The following TRPM3 variants were observed in gnomAD, a reference collection of about 807,000 sequenced individuals.
The protein encoded by TRPM3 is long transient receptor potential channel 3.
Under a neutral mutation model 181.2 loss-of-function variants are expected in TRPM3, and 77 were observed. The observed-to-expected ratio is 0.42, with a 90% CI of 0.35 to 0.51. The LOEUF (loss-of-function observed/expected upper bound fraction) is 0.51. Among genes scored for constraint, TRPM3 ranks in the 20% least tolerant of loss-of-function variants. The pLI is 0.01. For missense variants in TRPM3, 1,759 were observed against 2,196.7 expected, an observed-to-expected ratio of 0.80 and a Z score of 3.98; for synonymous variants, 745 against 796.4, an observed-to-expected ratio of 0.94 and a Z score of 1.09.
intron 6 of TRPM3, chr9:70,824,709 A>AGC (rs1193066614): frequency 1.3e-5 from 2 of 152,262 alleles, no homozygotes; most frequent in Admixed American, 1.3e-4. Flanking sequence ...TACAGGTGTG[A>AGC]GCCACTGTGC....
chr9:70,629,315 C>A lies in TRPM3; in HGVS notation c.1633-3798G>T, dbSNP rs1321012362. Among the ~76,000 whole-genome samples the A allele has an allele frequency of 5.4e-5, 8 of 148,248 alleles. 1 individual carries two copies. The highest frequency in any genetic ancestry group is 1.7e-4 in the African/African-American group (7 of 40,622). On this transcript the variant is annotated intron_variant, in intron 12 of 25. Coordinates refer to ENST00000677713, the MANE Select transcript of TRPM3 (RefSeq NM_001366145.2). Reference sequence around the variant, plus strand: ...CTCCCTTCCCAGCAGCATTTTCCTGCCTCTTCCGTTTTTTGTTTTGTTTTG... The same window carrying A: ...CTCCCTTCCCAGCAGCATTTTCCTGACTCTTCCGTTTTTTGTTTTGTTTTG...
intron 1 of TRPM3, among the ~76,000 whole-genome samples, chr9:71,019,029 G>A (rs977085969): frequency 6.6e-6 from 1 of 151,906 alleles, no homozygotes; most frequent in African/African-American, 2.4e-5. Context: ...ATAAAAAGAT[G>A]AGGATGATAA....
intron 9 of TRPM3, among the ~76,000 whole-genome samples, chr9:70,646,665 T>C (rs933959779): frequency 2.0e-5 from 3 of 152,070 alleles, no homozygotes; most frequent in African/African-American, 4.8e-5. Flanking sequence ...CATGTATCCC[T>C]ATGTAACAAA....
intron 1 of TRPM3, among the ~76,000 whole-genome samples, chr9:71,142,824 G>A (rs1207750615): frequency 1.4e-5 from 2 of 142,868 alleles, no homozygotes; most frequent in Non-Finnish European, 3.1e-5. Flanking sequence ...AGAAGTTTTG[G>A]TCAGGCATGG....
At chr9:71,393,848 TCA>T in intron 1 of TRPM3, among the ~76,000 whole-genome samples, 1 of 152,278 alleles carries the variant, frequency 6.6e-6, no homozygotes, top group South Asian at 2.1e-4. Flanking sequence ...CATCTCAACG[TCA>T]CAGTTAAATT....
In TRPM3 at chr9:70,603,337, G is replaced by T; in HGVS notation, c.2796+5C>A. On this transcript the variant is annotated splice_donor_5th_base_variant and intron_variant, in intron 20 of 25. Transcript: ENST00000677713. Reference sequence around the variant, plus strand: ...TCTTACGTTTTCTTTTATAAAAGCCGTTACCTCTCTCATCTTTTCTATTCC... The same window carrying T: ...TCTTACGTTTTCTTTTATAAAAGCCTTTACCTCTCTCATCTTTTCTATTCC... 6.2e-7 allele frequency: 1 copy of T among 1,610,804 alleles called. No homozygotes were observed. Among genetic ancestry groups the T allele is most frequent in the Non-Finnish European group, 8.5e-7 (1 of 1,178,492 alleles).
chr9:71,204,300 T>C (rs1402138113), intron 1 of TRPM3, among the ~76,000 whole-genome samples: 4 of 151,090 alleles, frequency 2.6e-5, no homozygotes, highest in Non-Finnish European at 5.9e-5. Context: ...AGAAAATTTT[T>C]GCAACCTACT....
intron 1 of TRPM3, among the ~76,000 whole-genome samples, chr9:71,243,789 G>GATGC (rs1343257892): frequency 6.6e-6 from 1 of 152,174 alleles, no homozygotes; most frequent in Non-Finnish European, 1.5e-5. Flanking sequence ...GGCTAGGGAA[G>GATGC]ATGCACACAT....
At chr9:71,049,367 A>G (rs2059810935) in intron 1 of TRPM3, among the ~76,000 whole-genome samples, 2 of 152,182 alleles carry the variant, frequency 1.3e-5, no homozygotes, top group South Asian at 4.2e-4. Context: ...AATATATGGT[A>G]TGCATATATA....
chr9:71,279,042 A>AAAAAAAG lies in TRPM3; in HGVS notation c.183+167610_183+167611insCTTTTTT, dbSNP rs1565414144. On this transcript the variant is annotated intron_variant, in intron 1 of 24. Transcript: ENST00000357533. The stretch of plus-strand genomic sequence containing the variant: ...AACTTATCCTGCTTAGGTTAAAAAA[A>AAAAAAAG]ATAAAAATAAAAATAAAAATAAAAA... Among the ~76,000 whole-genome samples the AAAAAAAG allele has an allele frequency of 1.6e-5, 2 of 125,498 alleles. 1 individual carries two copies. Among genetic ancestry groups the AAAAAAAG allele is most frequent in the Non-Finnish European group, 3.2e-5 (2 of 62,596 alleles). 82.3% of individuals were successfully genotyped at this position (125,498 alleles called of 152,430 possible).
chr9:70,839,656 T>C (rs1284571764), intron 5 of TRPM3, among the ~76,000 whole-genome samples: 1 of 152,194 alleles, frequency 6.6e-6, no homozygotes, highest in East Asian at 1.9e-4. Context: ...CTTTCTTTTA[T>C]CCTTGGATTT....
chr9:71,169,585 C>G (rs1248251843), intron 1 of TRPM3, among the ~76,000 whole-genome samples: 1 of 152,086 alleles, frequency 6.6e-6, no homozygotes, highest in Non-Finnish European at 1.5e-5. Flanking sequence ...TGATTCTTTA[C>G]TGATGTTATT....
At chr9:71,095,287 T>A (rs922344950) in intron 1 of TRPM3, among the ~76,000 whole-genome samples, 1 of 152,174 alleles carries the variant, frequency 6.6e-6, no homozygotes, top group South Asian at 2.1e-4. Flanking sequence ...ACTGACTCCG[T>A]CGTCATGTAT....
chr9:71,023,701 TA>T (rs201859225), intron 1 of TRPM3, among the ~76,000 whole-genome samples: 2,638 of 125,700 alleles, frequency 0.021, 37 homozygotes, highest in East Asian at 0.097. Context: ...TGATGCTGAG[TA>T]AAAAAAAAAA....
chr9:70,827,881 C>T lies in TRPM3; in HGVS notation c.939G>A (p.Leu313=), dbSNP rs2093649842. ...YGAEVKLRRQ[L]EKHISLQKIN... is the part of the protein sequence containing the mutation. Reference sequence around the variant, plus strand: ...TCTTCTGGAGTGAAATATGCTTTTCCAGTTGTCTTCGAAGTTTCACCTCTG... The same window carrying T: ...TCTTCTGGAGTGAAATATGCTTTTCTAGTTGTCTTCGAAGTTTCACCTCTG... The change falls in exon 6 of 26, where the codon CTG becomes CTA. Residue 313 remains leucine (L), a synonymous_variant. Coordinates refer to ENST00000677713, the MANE Select transcript of TRPM3 (RefSeq NM_001366145.2). 1 of 1,613,974 alleles carries T rather than the reference C, an allele frequency of 6.2e-7. No individual in the cohort carries two copies. Among genetic ancestry groups the T allele is most frequent in the Admixed American group, 1.7e-5 (1 of 59,996 alleles).
chr9:70,835,227 CT>C (rs1463231965), intron 5 of TRPM3, among the ~76,000 whole-genome samples: 2 of 152,066 alleles, frequency 1.3e-5, no homozygotes, highest in Non-Finnish European at 2.9e-5. Context: ...AAATAAACCT[CT>C]TTTCTTTATA....
At chr9:70,959,428 G>T (rs577200740) in intron 1 of TRPM3, among the ~76,000 whole-genome samples, 2 of 149,942 alleles carry the variant, frequency 1.3e-5, no homozygotes, top group South Asian at 2.1e-4. Context: ...TTGAATGAAA[G>T]AAATGGAAAG....
At chr9:70,691,812 C>T (rs1019415549) in intron 8 of TRPM3, among the ~76,000 whole-genome samples, 1 of 152,180 alleles carries the variant, frequency 6.6e-6, no homozygotes, top group Admixed American at 6.5e-5. Context: ...TCAAGTCCTA[C>T]TCAAAGACAC....
intron 1 of TRPM3, among the ~76,000 whole-genome samples, chr9:71,030,455 C>A (rs536459383): frequency 6.6e-6 from 1 of 151,788 alleles, no homozygotes; most frequent in Non-Finnish European, 1.5e-5. Context: ...ATTCTAGCTA[C>A]TTGGGAGGCT....
Sources: allele counts gnomAD v4.1 joint callset (sites outside exome capture counted in the v4.1 genomes callset), GRCh38; gene constraint gnomAD v4.1.1; transcripts MANE v1.5; gene names NCBI Gene and HGNC (gene_info 2026-07-23, HGNC 2026-07-21).